The following PRRC2B variants were observed in gnomAD, a reference collection of about 807,000 sequenced individuals.
PRRC2B encodes the protein proline rich coiled-coil 2B.
A neutral mutation model predicts 242.3 loss-of-function variants in PRRC2B; 68 were observed. The observed-to-expected ratio is 0.28, with a 90% confidence interval of 0.23 to 0.34. The LOEUF (loss-of-function observed/expected upper bound fraction) is 0.34. Ranked by LOEUF, PRRC2B falls within the 10% of genes least tolerant of loss-of-function variation. PRRC2B has a pLI of 1.00. For missense variants in PRRC2B, 2,835 were observed against 2,954.8 expected (o/e 0.96, Z 0.94); for synonymous variants, 1,228 against 1,173.6 (o/e 1.05, Z -0.95).
intron 4 of PRRC2B, among the ~76,000 whole-genome samples, chr9:131,438,432 T>G (rs1838446257): frequency 6.6e-6 from 1 of 151,854 alleles, no homozygotes; most frequent in Non-Finnish European, 1.5e-5. Context: ...CCTGGCGAGT[T>G]TTCAGCAGAG....
rs541891710 is a variant in PRRC2B, at chr9:131,444,380, C to T, written c.613+52C>T. 2.1e-5 allele frequency: 33 copies of T among 1,576,116 alleles called. No homozygotes were observed. The Middle Eastern group carries it at 8.4e-4, about 40-fold the overall frequency. On this transcript the variant is annotated intron_variant, in intron 6 of 31. Coordinates refer to ENST00000683519, the MANE Select transcript of PRRC2B (RefSeq NM_013318.4). ...CGATGGAGTAACAGAACTTCCTCCT[C>T]TCATCTCTCTGCACTCCTAAAAGGG...
chr9:131,433,658 C>T (rs962049029), intron 3 of PRRC2B, among the ~76,000 whole-genome samples: 3 of 152,206 alleles, frequency 2.0e-5, no homozygotes, highest in Non-Finnish European at 4.4e-5. Flanking sequence ...AGCTGTCTGG[C>T]GGCAGCGCCC....
Position 131,481,006 on chromosome 9 carries a change from T to TA in PRRC2B, c.4901-710dup, listed in dbSNP as rs34825859. 1.6e-3 allele frequency among the ~76,000 whole-genome samples: 234 copies of TA among 146,660 alleles called. 1 individual carries two copies. The highest frequency in any genetic ancestry group is 4.2e-3 in the African/African-American group (166 of 39,910). On this transcript the variant is annotated intron_variant, in intron 19 of 31. Transcript: ENST00000683519. ...AGAGTGAGACCCTGTCTCTATTGTT[T>TA]AAAAAAAAAAGAAGGCCAGGCCTGG...
In PRRC2B at chr9:131,410,141, G is replaced by A. The variant is rs113491452; in HGVS notation, c.-52+15878G>A. Among the ~76,000 whole-genome samples the A allele has an allele frequency of 8.2e-3, 1,246 of 152,252 alleles. 15 individuals are homozygous for A. The highest frequency in any genetic ancestry group is 0.027 in the African/African-American group (1,120 of 41,548). On this transcript the variant is annotated intron_variant, in intron 1 of 31. Coordinates refer to ENST00000683519, the MANE Select transcript of PRRC2B (RefSeq NM_013318.4). ...CCCCACCCCCCTTGCTAAATTAACC[G>A]CATCTTCAAAGCGGGAGGTAGGCAG... is the stretch of plus-strand genomic sequence containing the variant.
chr9:131,456,344 C>T (rs1943076158), intron 10 of PRRC2B, among the ~76,000 whole-genome samples: 1 of 151,604 alleles, frequency 6.6e-6, no homozygotes, highest in Non-Finnish European at 1.5e-5. Context: ...AATAATACCC[C>T]ACAATGGCCA....
chr9:131,387,019 T>C (rs531082433), intron 1 of PRRC2B, among the ~76,000 whole-genome samples: 1 of 149,640 alleles, frequency 6.7e-6, no homozygotes, highest in East Asian at 2.0e-4. Flanking sequence ...TCTTTCTTTT[T>C]TGAGACAGTC....
chr9:131,470,464 C>T (rs1943510959), intron 13 of PRRC2B, among the ~76,000 whole-genome samples: 1 of 152,176 alleles, frequency 6.6e-6, no homozygotes, highest in South Asian at 2.1e-4. Context: ...AATGTCCAGA[C>T]ATTCTGTGGG....
chr9:131,476,938 G>A (rs1316011147), intron 16 of PRRC2B, among the ~76,000 whole-genome samples: 10 of 152,196 alleles, frequency 6.6e-5, no homozygotes, highest in Non-Finnish European at 4.4e-5. Flanking sequence ...CGCTGGCCTC[G>A]TGGCTGCATG....
At chr9:131,394,894 G>T (rs1306535737) in intron 1 of PRRC2B, among the ~76,000 whole-genome samples, 1 of 151,874 alleles carries the variant, frequency 6.6e-6, no homozygotes, top group African/African-American at 2.4e-5. Context: ...TCGAAATGCT[G>T]AATGCTCCAT....
chr9:131,477,132 G>A (rs1039675283), intron 16 of PRRC2B, among the ~76,000 whole-genome samples: 16 of 152,210 alleles, frequency 1.1e-4, no homozygotes, highest in African/African-American at 3.4e-4. Context: ...CAGGGACCAG[G>A]AGAGGGTCCC....
At chr9:131,429,080 G>C (rs1163833557) in intron 1 of PRRC2B, among the ~76,000 whole-genome samples, 2 of 152,130 alleles carry the variant, frequency 1.3e-5, no homozygotes, top group Non-Finnish European at 2.9e-5. Flanking sequence ...CTCAGTAGCT[G>C]GAATTACATA....
rs539936183 is a variant in PRRC2B, at chr9:131,499,403, C to G, written c.*3529C>G. On this transcript the variant is annotated 3_prime_UTR_variant, in exon 32 of 32. Transcript: ENST00000683519. ...CCCTTTTCACTTCCTGCAGAACAAGCCTGGGTTAGAGGGTCTGCTGGAAAT... is the reference window on the plus strand; with the variant it reads ...CCCTTTTCACTTCCTGCAGAACAAGGCTGGGTTAGAGGGTCTGCTGGAAAT... 1 of 152,340 alleles carries G rather than the reference C, an allele frequency of 6.6e-6. No homozygotes were observed. The highest frequency in any genetic ancestry group is 1.9e-4 in the East Asian group (1 of 5,186). 9.4% of individuals were successfully genotyped at this position (152,340 alleles called of 1,614,324 possible).
At chr9:131,457,669 C>G (rs1380133066) in intron 10 of PRRC2B, among the ~76,000 whole-genome samples, 4 of 152,038 alleles carry the variant, frequency 2.6e-5, no homozygotes, top group Admixed American at 6.5e-5. Context: ...TCCAGACCAT[C>G]CATGGGTCCA....
intron 19 of PRRC2B, 122 bp downstream of exon 19, chr9:131,479,515 G>C (rs1943798112): frequency 1.1e-6 from 1 of 949,802 alleles, no homozygotes. Context: ...TGGAGTACCT[G>C]TTTGCTGTGT....
At chr9:131,412,766 G>A (rs565573175) in intron 1 of PRRC2B, among the ~76,000 whole-genome samples, 20 of 150,816 alleles carry the variant, frequency 1.3e-4, no homozygotes, top group Middle Eastern at 3.6e-3. Context: ...ATGCAAAAGG[G>A]CCAAGAATAA....
At chr9:131,424,060 C>G (rs1837919346) in intron 1 of PRRC2B, among the ~76,000 whole-genome samples, 1 of 152,156 alleles carries the variant, frequency 6.6e-6, no homozygotes, top group Admixed American at 6.5e-5. Flanking sequence ...CTCAGCCTCC[C>G]CAGTGGCTGG....
chr9:131,488,244 A>G, intron 28 of PRRC2B, 148 bp downstream of exon 28: 4 of 1,135,694 alleles, frequency 3.5e-6, no homozygotes, highest in Non-Finnish European at 4.8e-6. Flanking sequence ...GCAGGAAATC[A>G]GCCTCTTCTG....
chr9:131,382,014 T>A (rs55762907), intron 1 of PRRC2B, among the ~76,000 whole-genome samples: 2 of 149,702 alleles, frequency 1.3e-5, no homozygotes, highest in Non-Finnish European at 3.0e-5. Context: ...TTTCCAAGTT[T>A]TATTTATTTA....
intron 9 of PRRC2B, among the ~76,000 whole-genome samples, chr9:131,452,316 G>A (rs184831990): frequency 1.3e-5 from 2 of 152,076 alleles, no homozygotes; most frequent in African/African-American, 4.8e-5. Flanking sequence ...TGCCTGGCCA[G>A]TATTACTTTA....
Sources: allele counts gnomAD v4.1 joint callset (sites outside exome capture counted in the v4.1 genomes callset), GRCh38; gene constraint gnomAD v4.1.1; transcripts MANE v1.5; gene names NCBI Gene and HGNC (gene_info 2026-07-23, HGNC 2026-07-21).